The following PXDN variants were observed in gnomAD, a reference collection of about 807,000 sequenced individuals.
PXDN encodes the protein peroxidasin homolog.
PXDN carries 77 observed loss-of-function variants against 140.3 expected under a neutral mutation model. The ratio of observed to expected loss-of-function variants is 0.55; its 90% confidence interval spans 0.46 to 0.66. The LOEUF (loss-of-function observed/expected upper bound fraction) is 0.66. Ranked by LOEUF, PXDN falls within the 30% of genes least tolerant of loss-of-function variation. The pLI is 0.00. For synonymous variants in PXDN, 911 were observed against 857.4 expected, an observed-to-expected ratio of 1.06 and a Z score of -1.09; for missense variants, 1,838 against 2,039.5, an observed-to-expected ratio of 0.90 and a Z score of 1.90.
At chr2:1,655,371 C>T (rs939471206) in intron 14 of PXDN, among the ~76,000 whole-genome samples, 2 of 150,412 alleles carry the variant, frequency 1.3e-5, no homozygotes, top group Non-Finnish European at 3.0e-5. Flanking sequence ...ATTATACACA[C>T]ACAAATCACA....
intron 7 of PXDN, among the ~76,000 whole-genome samples, chr2:1,677,981 A>G (rs1683769049): frequency 6.6e-6 from 1 of 152,146 alleles, no homozygotes; most frequent in Admixed American, 6.5e-5. Flanking sequence ...CTGCCCGGCA[A>G]CCAAAACCAA....
At chr2:1,642,158 G>T (rs2125405964) in intron 19 of PXDN, among the ~76,000 whole-genome samples, 1 of 151,864 alleles carries the variant, frequency 6.6e-6, no homozygotes, top group African/African-American at 2.4e-5. Context: ...GTGTGTGTGG[G>T]TGGTGGGGGG....
intron 16 of PXDN, among the ~76,000 whole-genome samples, chr2:1,650,241 C>T (rs1041726531): frequency 6.6e-6 from 1 of 152,192 alleles, no homozygotes; most frequent in African/African-American, 2.4e-5. Flanking sequence ...CCGCCGCGCC[C>T]TCCTCTCCAT....
chr2:1,707,915 A>C lies in PXDN; in HGVS notation c.201-14781T>G, dbSNP rs548544546. Among the ~76,000 whole-genome samples the C allele has an allele frequency of 5.1e-4, 77 of 152,090 alleles. 1 individual carries two copies. Among genetic ancestry groups the C allele is most frequent in the African/African-American group, 1.8e-3 (75 of 41,328 alleles). ...ACTTACGTCAGCACCCTAAGGGCTA[A>C]AGAGGAACTCTTAAGGCACTGGAAA... On this transcript the variant is annotated intron_variant, in intron 1 of 22. Coordinates refer to ENST00000252804, the MANE Select transcript of PXDN (RefSeq NM_012293.3).
chr2:1,698,291 G>A (rs940909296), intron 1 of PXDN, among the ~76,000 whole-genome samples: 2 of 152,176 alleles, frequency 1.3e-5, no homozygotes, highest in Non-Finnish European at 2.9e-5. Flanking sequence ...AGCACACAAA[G>A]CATGGATCTG....
Position 1,648,439 on chromosome 2 carries a change from A to G in PXDN, c.3341T>C (p.Ile1114Thr). 1 of 1,610,742 alleles carries G rather than the reference A, an allele frequency of 6.2e-7. No individual in the cohort carries two copies. Among genetic ancestry groups the G allele is most frequent in the Non-Finnish European group, 8.5e-7 (1 of 1,179,834 alleles). ...GAACAGCCCCCTGAGAAGCGGATCGATGCCGCCCTCATTCACAATCCGGAA... is the reference window on the plus strand; with the variant it reads ...GAACAGCCCCCTGAGAAGCGGATCGGTGCCGCCCTCATTCACAATCCGGAA... ...SPFRIVNEGGIDPLLRGLFGV... is the reference protein window; with the variant it reads ...SPFRIVNEGGTDPLLRGLFGV... The change falls in exon 17 of 23, where the codon ATC becomes ACC. Residue 1114 changes from isoleucine to threonine, a missense_variant. By Grantham distance (89) the Ile-to-Thr change is moderately conservative. Around this residue, in one of 5 missense-constraint regions of PXDN, gnomAD observed 850 missense variants for 894.1 expected, o/e 0.95. Coordinates refer to ENST00000252804, the MANE Select transcript of PXDN (RefSeq NM_012293.3). The surrounding 1 kb of genome is among the most constrained non-coding windows in gnomAD (Gnocchi z 8.9).
intron 1 of PXDN, among the ~76,000 whole-genome samples, chr2:1,730,817 A>T (rs896716430): frequency 9.9e-5 from 15 of 152,158 alleles, no homozygotes; most frequent in African/African-American, 3.6e-4. Flanking sequence ...ATTACAAGCA[A>T]TCCGGCTGTG....
chr2:1,704,580 GGGGGGACAGCTCCAGGTGAA>G, intron 1 of PXDN, among the ~76,000 whole-genome samples: 1 of 91,726 alleles, frequency 1.1e-5, no homozygotes, highest in East Asian at 3.3e-4. Flanking sequence ...TCCAGGTGAA[GGGGGGACAGCTCCAGGTGAA>G]GGGGGGCAGC....
intron 16 of PXDN, 95 bp downstream of exon 16, chr2:1,653,533 T>C: frequency 6.7e-7 from 1 of 1,484,990 alleles, no homozygotes. Context: ...GGAAAGAAAA[T>C]GCTGGAACTC....
chr2:1,649,644 C>A lies in PXDN; in HGVS notation c.2136G>T (p.Gln712His). Residue 712 changes from glutamine to histidine, a missense_variant, in exon 17 of 23, where the codon CAG becomes CAT. Physicochemically the swap from Gln to His is conservative, Grantham distance 24. This residue lies in a region of PXDN where 537 missense variants were observed against 583.9 expected (regional missense o/e 0.92). Transcript: ENST00000252804. This position sits in a 1 kb window ranked among gnomAD's most constrained non-coding sequence, Gnocchi z 7.1. The part of the protein sequence containing the change: ...SYHYNDLVSP[Q>H]YLNLIANLSG... ...ACAGGTTTGCGATGAGGTTCAGGTA[C>A]TGTGGAGACACCAGGTCGTTGTAGT... 6.2e-7 allele frequency: 1 copy of A among 1,613,970 alleles called. No homozygotes were observed. The highest frequency in any genetic ancestry group is 8.5e-7 in the Non-Finnish European group (1 of 1,179,870).
chr2:1,719,670 C>T (rs1684970928), intron 1 of PXDN, among the ~76,000 whole-genome samples: 1 of 152,306 alleles, frequency 6.6e-6, no homozygotes, highest in South Asian at 2.1e-4. Context: ...TAAGCCTGAC[C>T]ATCAGTGACT....
In PXDN at chr2:1,660,728, C is replaced by G. The variant is rs2125422684; in HGVS notation, c.1837+153G>C. ...GGGGCTGTCGAGCAGCCCGGCCATG[C>G]ATCAGGAGAGTGTCCCCACCTGGGA... On this transcript the variant is annotated intron_variant, in intron 14 of 22. Coordinates refer to ENST00000252804, the MANE Select transcript of PXDN (RefSeq NM_012293.3). The surrounding 1 kb of genome is among the most constrained non-coding windows in gnomAD (Gnocchi z 4.6). Among the ~76,000 whole-genome samples, 1 of 152,274 alleles carries G rather than the reference C, an allele frequency of 6.6e-6. No individual in the cohort carries two copies. The highest frequency in any genetic ancestry group is 2.4e-5 in the African/African-American group (1 of 41,554).
chr2:1,651,419 G>T lies in PXDN; in HGVS notation c.2105-1744C>A, dbSNP rs1683011236. On this transcript the variant is annotated intron_variant, in intron 16 of 22. Transcript: ENST00000252804. The surrounding 1 kb of genome is among the most constrained non-coding windows in gnomAD (Gnocchi z 4.4). The stretch of plus-strand genomic sequence containing the variant: ...CATCTGTCCTCACCCCATGCAGAGT[G>T]GTCACCCAGCCCGATGCTTGAAAAT... Among the ~76,000 whole-genome samples, 2 of 152,280 alleles carry T rather than the reference G, an allele frequency of 1.3e-5. No homozygotes were observed. The highest frequency in any genetic ancestry group is 3.4e-3 in the Middle Eastern group (1 of 294).
rs956376073 is a variant in PXDN at position 1,633,356 on chromosome 2, T to C, written c.*848A>G. 4.6e-5 allele frequency: 7 copies of C among 151,682 alleles called. No homozygotes were observed. Among genetic ancestry groups the C allele is most frequent in the African/African-American group, 1.7e-4 (7 of 41,258 alleles). 9.4% of individuals were successfully genotyped at this position (151,682 alleles called of 1,614,324 possible). A position where few individuals can be genotyped will look rare whatever the true frequency, so the allele number is the denominator to read the frequency against. On this transcript the variant is annotated 3_prime_UTR_variant, in exon 23 of 23. Coordinates refer to ENST00000252804, the MANE Select transcript of PXDN (RefSeq NM_012293.3). ...CCCTCGGCAGGTATCAGATACACAA[T>C]GGGATGAAGGAGGTTTTTTCACATT... is the stretch of plus-strand genomic sequence containing the variant.
rs1309513974 is a variant in PXDN, at chr2:1,639,998, C to T, written c.3953-576G>A. On this transcript the variant is annotated intron_variant, in intron 19 of 22. Transcript: ENST00000252804. This position sits in a 1 kb window ranked among gnomAD's most constrained non-coding sequence, Gnocchi z 5.0. ...CTCAGTGCTATGCCTCACCTGAGCC[C>T]CGGGTGAGTGAGGGGCCCTCAGTGC... Among the ~76,000 whole-genome samples, 5 of 152,142 alleles carry T rather than the reference C, an allele frequency of 3.3e-5. No homozygotes were observed. Among genetic ancestry groups the T allele is most frequent in the South Asian group, 2.1e-4 (1 of 4,830 alleles).
chr2:1,714,492 C>T lies in PXDN; in HGVS notation c.201-21358G>A, dbSNP rs1006436684. Among the ~76,000 whole-genome samples, 5 of 152,160 alleles carry T rather than the reference C, an allele frequency of 3.3e-5. No individual in the cohort carries two copies. Among genetic ancestry groups the T allele is most frequent in the African/African-American group, 1.2e-4 (5 of 41,438 alleles). On this transcript the variant is annotated intron_variant, in intron 1 of 22. Coordinates refer to ENST00000252804, the MANE Select transcript of PXDN (RefSeq NM_012293.3). The surrounding 1 kb of genome is among the most constrained non-coding windows in gnomAD (Gnocchi z 4.3). Reference sequence around the variant, plus strand: ...ACCACCAATCCTCGCCCAGCAATGACCGCGGGTCCACGCTCAGGGAAATGC... The same window carrying T: ...ACCACCAATCCTCGCCCAGCAATGATCGCGGGTCCACGCTCAGGGAAATGC...
At position 1,720,753 on chromosome 2, in the gene PXDN, C is replaced by T. The variant is rs116013620; in HGVS notation, c.200+23503G>A. 6.1e-3 allele frequency among the ~76,000 whole-genome samples: 907 copies of T among 148,990 alleles called. 16 individuals carry two copies. Among genetic ancestry groups the T allele is most frequent in the African/African-American group, 0.022 (858 of 39,240 alleles). ...ACACACACACACACACACACACACA[C>T]GTACACATATCCTGTGGTTTCCATT... On this transcript the variant is annotated intron_variant, in intron 1 of 22. Transcript: ENST00000252804.
chr2:1,716,026 G>A (rs144844864), intron 1 of PXDN, among the ~76,000 whole-genome samples: 3 of 152,288 alleles, frequency 2.0e-5, no homozygotes, highest in African/African-American at 7.2e-5. Flanking sequence ...GTGGAGTGTT[G>A]GCCAAAGACA....
At chr2:1,680,502 T>C (rs950572592) in intron 6 of PXDN, 140 bp from the exon 7 acceptor site, 1 of 1,044,950 alleles carries the variant, frequency 9.6e-7, no homozygotes, top group Non-Finnish European at 1.4e-6. Context: ...GGGACACGTC[T>C]CGTGGTGGAA....
Sources: gnomAD v4.1 joint callset for allele counts (sites outside exome capture counted in the v4.1 genomes callset) on GRCh38, gnomAD v4.1.1 for gene constraint, gnomAD v4.1.1 regional missense constraint, Gnocchi (gnomAD v3.1) non-coding constraint, MANE v1.5 for transcripts, NCBI Gene and HGNC (gene_info 2026-07-23, HGNC 2026-07-21) for gene names.